Variants in EIF5A observed in about 807,000 individuals in gnomAD.
EIF5A encodes the protein eukaryotic translation initiation factor 5A, also known as eukaryotic translation initiation factor 5A-1.
Under a neutral mutation model 16.6 loss-of-function variants are expected in EIF5A, and 1 was observed. The observed-to-expected ratio is 0.06, with a 90% CI of 0.02 to 0.28. EIF5A has a LOEUF of 0.28. EIF5A is among the 10% of genes least tolerant of loss of function. The pLI, the probability that EIF5A is intolerant of heterozygous loss-of-function variation, is 1.00. For missense variants in EIF5A, 29 were observed against 196.1 expected (o/e 0.15, Z 5.09); for synonymous variants, 80 against 73.6 (o/e 1.09, Z -0.44).
intron 1 of EIF5A, chr17:7,308,350 C>T (rs1408576493): frequency 8.5e-7 from 1 of 1,175,258 alleles, no homozygotes; most frequent in African/African-American, 1.6e-5. Context: ...CCACCGGAAG[C>T]CCGGAACGGC....
At chr17:7,310,514 CTA>C in intron 2 of EIF5A, 1 of 1,163,178 alleles carries the variant, frequency 8.6e-7, no homozygotes, top group Non-Finnish European at 1.1e-6. Context: ...GGATTATTCT[CTA>C]GTGTCTGGAT....
intron 1 of EIF5A, 185 bp downstream of exon 1, chr17:7,307,937 T>C: frequency 1.0e-6 from 1 of 977,970 alleles, no homozygotes; most frequent in African/African-American, 1.8e-5. Context: ...GGGGTGACGG[T>C]TGGGGTTGGC....
At chr17:7,310,241 C>G (rs72840907) in intron 2 of EIF5A, 405,186 of 1,289,862 alleles carry the variant, frequency 0.31, 67,228 homozygotes, top group Non-Finnish European at 0.34. Context: ...TTTCAGGTCA[C>G]CTTGCTGCTT....
At chr17:7,311,328 C>A in intron 3 of EIF5A, 22 bp from the exon 4 acceptor site, 1 of 1,613,992 alleles carries the variant, frequency 6.2e-7, no homozygotes, top group Non-Finnish European at 8.5e-7. Flanking sequence ...TACCTTCAGC[C>A]TCCTTCCCTA....
intron 2 of EIF5A, chr17:7,310,699 C>A: frequency 1.0e-6 from 1 of 985,410 alleles, no homozygotes. Context: ...GAAAACTCTT[C>A]GAAACTTTTA....
intron 2 of EIF5A, chr17:7,310,252 C>T (rs1407750580): frequency 3.9e-6 from 5 of 1,289,644 alleles, no homozygotes; most frequent in Non-Finnish European, 5.1e-6. Flanking sequence ...CTTGCTGCTT[C>T]GTTCCCCAGT....
upstream of EIF5A, chr17:7,307,318 G>T: frequency 8.5e-7 from 1 of 1,180,444 alleles, no homozygotes; most frequent in Non-Finnish European, 1.1e-6. Context: ...TGGAGTGCAG[G>T]GCTCCTTATT....
At chr17:7,310,429 GAT>G in intron 2 of EIF5A, 1 of 1,177,714 alleles carries the variant, frequency 8.5e-7, no homozygotes, top group Non-Finnish European at 1.1e-6. Flanking sequence ...ATTTCAACCT[GAT>G]TCGTTCTTGT....
At chr17:7,309,997 C>T in intron 2 of EIF5A, 197 bp downstream of exon 2, 2 of 1,527,080 alleles carry the variant, frequency 1.3e-6, no homozygotes, top group South Asian at 1.2e-5. Context: ...CTGTGGTTAC[C>T]CTTCTGTCCC....
chr17:7,310,077 T>C (rs750823568), intron 2 of EIF5A: 27 of 1,421,174 alleles, frequency 1.9e-5, no homozygotes, highest in Non-Finnish European at 2.4e-5. Flanking sequence ...TAGGCCTTTA[T>C]GCTCTAGCTA....
At chr17:7,307,406 C>T (rs926638900), upstream of EIF5A, 5 of 1,165,458 alleles carry the variant, frequency 4.3e-6, no homozygotes, top group African/African-American at 1.6e-5. Flanking sequence ...GATTAAAAAA[C>T]CGGGTGCGCC....
At chr17:7,310,810 C>G (rs1387031294) in intron 2 of EIF5A, 4 of 985,288 alleles carry the variant, frequency 4.1e-6, no homozygotes, top group Non-Finnish European at 4.8e-6. Context: ...GTGCTGTCAA[C>G]CCCAATCTCA....
At chr17:7,308,204 G>A (rs2072688735) in intron 1 of EIF5A, 2 of 1,017,732 alleles carry the variant, frequency 2.0e-6, no homozygotes, top group Non-Finnish European at 1.2e-6. Context: ...CCGGCCTGGC[G>A]CAGTCTCTGA....
intron 1 of EIF5A, chr17:7,308,247 C>T: frequency 9.6e-7 from 1 of 1,042,106 alleles, no homozygotes; most frequent in South Asian, 2.2e-5. Context: ...GAAGTGCCCC[C>T]CACGGGAGGC....
rs1225296832 is a variant in EIF5A at position 7,312,266 on chromosome 17, C to G, written c.*456C>G. On this transcript the variant is annotated 3_prime_UTR_variant, in exon 6 of 6. Transcript: ENST00000336458. ...CCCCAACAGACTGGGGACCAGCCCC[C>G]TCGCCTGCCTGTGTCTCTCCCCAAA... is the stretch of plus-strand genomic sequence containing the variant. 5.4e-6 allele frequency: 1 copy of G among 184,304 alleles called. No individual in the cohort carries two copies. The highest frequency in any genetic ancestry group is 1.3e-5 in the Non-Finnish European group (1 of 78,228). The allele number at this position is 184,304 out of a possible 1,614,324, so 11.4% of individuals were successfully genotyped here.
At chr17:7,307,611 G>T (rs1231331391), upstream of EIF5A, 3 of 1,023,874 alleles carry the variant, frequency 2.9e-6, no homozygotes, top group African/African-American at 3.5e-5. Flanking sequence ...GTTGGTCAGT[G>T]GGGAGTCGGC....
In EIF5A at chr17:7,312,109, CTT is replaced by C. The variant is rs34026406; in HGVS notation, c.*318_*319del. The C allele has an allele frequency of 2.6e-3, 234 of 89,462 alleles. 1 individual carries two copies. The highest frequency in any genetic ancestry group is 9.9e-3 in the South Asian group (22 of 2,220). The allele number at this position is 89,462 out of a possible 1,614,324, so 5.5% of individuals were successfully genotyped here. ...GGGTGGGTGCTGCTTGTGGTTTAGT[CTT>C]TTTTTTTTTTTTTTTTTTAATTCAA... On this transcript the variant is annotated 3_prime_UTR_variant, in exon 6 of 6. Coordinates refer to ENST00000336458, the MANE Select transcript of EIF5A (RefSeq NM_001970.5).
Position 7,311,641 on chromosome 17 carries a change from C to T in EIF5A, c.*1C>T. ...TGCAATCAAGGCCATGGCAAAATAACTGGCTCCCAGGTGAGTGTGACAAAT... is the reference window on the plus strand; with the variant it reads ...TGCAATCAAGGCCATGGCAAAATAATTGGCTCCCAGGTGAGTGTGACAAAT... On this transcript the variant is annotated 3_prime_UTR_variant, in exon 5 of 6. Coordinates refer to ENST00000336458, the MANE Select transcript of EIF5A (RefSeq NM_001970.5). 1 of 1,614,194 alleles carries T rather than the reference C, an allele frequency of 6.2e-7. No homozygotes were observed. The highest frequency in any genetic ancestry group is 8.5e-7 in the Non-Finnish European group (1 of 1,180,042).
intron 2 of EIF5A, chr17:7,310,078 G>T: frequency 3.5e-6 from 5 of 1,422,740 alleles, no homozygotes; most frequent in East Asian, 3.3e-5. Context: ...AGGCCTTTAT[G>T]CTCTAGCTAT....
Sources: allele counts gnomAD v4.1 joint callset, GRCh38; gene constraint gnomAD v4.1.1; transcripts MANE v1.5; gene names NCBI Gene and HGNC (gene_info 2026-07-23, HGNC 2026-07-21).